Variants in CMTM7 observed in about 807,000 individuals in gnomAD.
CMTM7 encodes the protein CKLF-like MARVEL transmembrane domain-containing protein 7.
A neutral mutation model predicts 19.3 loss-of-function variants in CMTM7; 7 were observed. That is an observed-to-expected ratio of 0.36 (90% CI 0.21 to 0.68). The LOEUF (loss-of-function observed/expected upper bound fraction) is 0.68, where lower values mean the gene tolerates loss of function less well. CMTM7 is among the 30% of genes least tolerant of loss of function. CMTM7 has a pLI of 0.60. For missense variants in CMTM7, 193 were observed against 232.6 expected (o/e 0.83, Z 1.11); for synonymous variants, 87 against 99.3 (o/e 0.88, Z 0.74).
intron 1 of CMTM7, among the ~76,000 whole-genome samples, chr3:32,434,933 T>G (rs531030216): frequency 6.6e-6 from 1 of 152,298 alleles, no homozygotes; most frequent in South Asian, 2.1e-4. Flanking sequence ...GAAATGAAAA[T>G]TTAAATAGTA....
intron 1 of CMTM7, among the ~76,000 whole-genome samples, chr3:32,425,826 C>T (rs1696422985): frequency 6.6e-6 from 1 of 152,156 alleles, no homozygotes; most frequent in African/African-American, 2.4e-5. Context: ...GGAAAGGACA[C>T]CGGTCGGCAC....
chr3:32,394,992 G>A (rs1228029868), intron 1 of CMTM7, among the ~76,000 whole-genome samples: 2 of 151,006 alleles, frequency 1.3e-5, no homozygotes, highest in African/African-American at 4.9e-5. Flanking sequence ...TGCCGCGCTC[G>A]GCTAAATGAC....
At chr3:32,397,242 C>T (rs533131864) in intron 1 of CMTM7, among the ~76,000 whole-genome samples, 14 of 146,372 alleles carry the variant, frequency 9.6e-5, no homozygotes, top group Non-Finnish European at 2.0e-4. Context: ...AAATAGTGTA[C>T]TTTATTACAA....
chr3:32,405,425 G>C (rs758868693), intron 1 of CMTM7, among the ~76,000 whole-genome samples: 2 of 152,228 alleles, frequency 1.3e-5, no homozygotes, highest in African/African-American at 2.4e-5. Context: ...TTATCACTGG[G>C]CTGTGGTCAC....
intron 1 of CMTM7, among the ~76,000 whole-genome samples, chr3:32,423,669 A>C (rs1313168269): frequency 6.6e-6 from 1 of 152,208 alleles, no homozygotes; most frequent in Non-Finnish European, 1.5e-5. Flanking sequence ...GCAGTGATGT[A>C]GTATGGAGGT....
chr3:32,396,592 T>G (rs1200635295), intron 1 of CMTM7, among the ~76,000 whole-genome samples: 1 of 152,134 alleles, frequency 6.6e-6, no homozygotes, highest in Non-Finnish European at 1.5e-5. Flanking sequence ...GATTTATACT[T>G]TAAATAAGTA....
chr3:32,393,226 A>C (rs1199672909), intron 1 of CMTM7, among the ~76,000 whole-genome samples: 2 of 152,162 alleles, frequency 1.3e-5, no homozygotes, highest in Non-Finnish European at 2.9e-5. Flanking sequence ...AGACCTAAAG[A>C]GAAGGGGCGC....
intron 1 of CMTM7, among the ~76,000 whole-genome samples, chr3:32,430,236 T>G (rs1383125122): frequency 1.3e-5 from 2 of 152,218 alleles, no homozygotes; most frequent in Non-Finnish European, 2.9e-5. Flanking sequence ...GCTCCCATAT[T>G]GTTGTGAAGC....
intron 2 of CMTM7, among the ~76,000 whole-genome samples, chr3:32,444,103 T>G (rs936807200): frequency 6.6e-6 from 1 of 152,188 alleles, no homozygotes; most frequent in Non-Finnish European, 1.5e-5. Context: ...AGCTCACGCT[T>G]TTCTTACATA....
chr3:32,433,074 C>T (rs192558986), intron 1 of CMTM7, among the ~76,000 whole-genome samples: 6 of 152,274 alleles, frequency 3.9e-5, no homozygotes, highest in Non-Finnish European at 5.9e-5. Context: ...CAGGAAATTG[C>T]GTCAGACACT....
At chr3:32,396,925 G>A (rs924563770) in intron 1 of CMTM7, among the ~76,000 whole-genome samples, 1 of 152,212 alleles carries the variant, frequency 6.6e-6, no homozygotes, top group African/African-American at 2.4e-5. Context: ...CTATCTATTT[G>A]TTCATTCAGC....
chr3:32,442,315 G>A (rs575811840), intron 2 of CMTM7, among the ~76,000 whole-genome samples: 70 of 151,618 alleles, frequency 4.6e-4, no homozygotes, highest in African/African-American at 1.4e-3. Context: ...TCGAGACCAC[G>A]GTGAAACCCC....
chr3:32,397,658 C>T (rs1475293582), intron 1 of CMTM7, among the ~76,000 whole-genome samples: 3 of 151,800 alleles, frequency 2.0e-5, no homozygotes, highest in African/African-American at 7.3e-5. Flanking sequence ...CTCTTGAACC[C>T]GGGAGGCAGA....
intron 2 of CMTM7, among the ~76,000 whole-genome samples, chr3:32,448,641 T>C (rs1436668377): frequency 6.6e-6 from 1 of 152,052 alleles, no homozygotes; most frequent in Admixed American, 6.5e-5. Context: ...TGATTAATCA[T>C]GATGAGTGAG....
chr3:32,402,694 G>A (rs1243361463), intron 1 of CMTM7, among the ~76,000 whole-genome samples: 1 of 152,066 alleles, frequency 6.6e-6, no homozygotes, highest in Non-Finnish European at 1.5e-5. Context: ...AGCCTCCCAA[G>A]TAGCTGGGAT....
intron 1 of CMTM7, among the ~76,000 whole-genome samples, chr3:32,423,846 TG>T (rs1196703436): frequency 2.0e-5 from 3 of 152,288 alleles, no homozygotes; most frequent in Admixed American, 1.3e-4. Context: ...AGGTCACAGA[TG>T]GTGTCTCTTT....
At chr3:32,414,367 G>A (rs1157352175) in intron 1 of CMTM7, among the ~76,000 whole-genome samples, 1 of 152,144 alleles carries the variant, frequency 6.6e-6, no homozygotes, top group African/African-American at 2.4e-5. Flanking sequence ...GTCTCTGCTC[G>A]TCCCCTCATC....
intron 1 of CMTM7, among the ~76,000 whole-genome samples, chr3:32,409,916 C>T (rs1346629079): frequency 1.3e-5 from 2 of 152,186 alleles, no homozygotes; most frequent in Non-Finnish European, 2.9e-5. Context: ...CAGATGTCAC[C>T]TCCTTGGGAT....
In CMTM7 at chr3:32,424,089, G is replaced by T. The variant is rs1223996281; in HGVS notation, c.160-17751G>T. On this transcript the variant is annotated intron_variant, in intron 1 of 4. Transcript: ENST00000334983. ...ATCCAGACAGGGCGCAGTGGAGAAG[G>T]CTTATCTCTACTCCACAATGCCTGA... is the stretch of plus-strand genomic sequence containing the variant. Among the ~76,000 whole-genome samples the T allele has an allele frequency of 2.6e-5, 4 of 152,178 alleles. No individual in the cohort carries two copies. The East Asian group carries it at 7.7e-4, about 29-fold the overall frequency.
Sources: allele counts gnomAD v4.1 joint callset (sites outside exome capture counted in the v4.1 genomes callset), GRCh38; gene constraint gnomAD v4.1.1; transcripts MANE v1.5; gene names NCBI Gene and HGNC (gene_info 2026-07-23, HGNC 2026-07-21).